Variants in ITPKC observed in about 807,000 individuals in gnomAD.
ITPKC encodes the protein IP3 3-kinase C.
Under a neutral mutation model 67.1 loss-of-function variants are expected in ITPKC, and 33 were observed. The observed-to-expected ratio is 0.49, with a 90% CI of 0.37 to 0.66. ITPKC has a LOEUF of 0.66. ITPKC is among the 30% of genes least tolerant of loss of function. The probability of loss-of-function intolerance (pLI) is 0.00; values close to 1 mark genes in which losing one functional copy is unlikely to be tolerated. For synonymous variants in ITPKC, 341 were observed against 359.8 expected (o/e 0.95, Z 0.59); for missense variants, 820 against 892.1 (o/e 0.92, Z 1.03).
At position 40,721,519 on chromosome 19, in the gene ITPKC, C is replaced by T. The variant is rs373776271; in HGVS notation, c.1155+3229C>T. Reference sequence around the variant, plus strand: ...CCAAGTAGCTGGGACTACAAGCGCACGCCACCACGCCCGGCTAATTTTTTT... The same window carrying T: ...CCAAGTAGCTGGGACTACAAGCGCATGCCACCACGCCCGGCTAATTTTTTT... On this transcript the variant is annotated intron_variant, in intron 1 of 6. Coordinates refer to ENST00000263370, the MANE Select transcript of ITPKC (RefSeq NM_025194.3). 3.6e-3 allele frequency among the ~76,000 whole-genome samples: 542 copies of T among 151,898 alleles called. 4 individuals are homozygous for T. The highest frequency in any genetic ancestry group is 0.012 in the African/African-American group (517 of 41,444).
chr19:40,717,675 G>A lies in ITPKC; in HGVS notation c.540G>A (p.Gly180=), dbSNP rs1032895156. 1 of 1,614,090 alleles carries A rather than the reference G, an allele frequency of 6.2e-7. No individual in the cohort carries two copies. The highest frequency in any genetic ancestry group is 8.5e-7 in the Non-Finnish European group (1 of 1,180,006). ...HGPWTELETH[G]SQTQPERVKS... is the part of the protein sequence containing the mutation. Reference sequence around the variant, plus strand: ...CCTGGACAGAGCTGGAAACGCATGGGTCACAGACTCAGCCAGAGAGGGTCA... The same window carrying A: ...CCTGGACAGAGCTGGAAACGCATGGATCACAGACTCAGCCAGAGAGGGTCA... The change falls in exon 1 of 7, where the codon GGG becomes GGA. Residue 180 remains glycine (G), a synonymous_variant. Transcript: ENST00000263370.
intron 4 of ITPKC, among the ~76,000 whole-genome samples, chr19:40,734,141 A>C (rs754986967): frequency 7.2e-5 from 11 of 151,902 alleles, no homozygotes; most frequent in Admixed American, 2.6e-4. Context: ...GTACTTTGCT[A>C]TTTTCACTTA....
intron 5 of ITPKC, among the ~76,000 whole-genome samples, chr19:40,737,299 G>A (rs756575500): frequency 1.8e-4 from 28 of 152,322 alleles, no homozygotes; most frequent in African/African-American, 5.5e-4. Context: ...TTGGCCGCAC[G>A]TCTCTCGATA....
At position 40,717,553 on chromosome 19, in the gene ITPKC, A is replaced by G. The variant is rs1401271626; in HGVS notation, c.418A>G (p.Thr140Ala). The G allele has an allele frequency of 6.2e-7, 1 of 1,614,054 alleles. No homozygotes were observed. The highest frequency in any genetic ancestry group is 1.3e-5 in the African/African-American group (1 of 74,998). The change falls in exon 1 of 7, where the codon ACC (threonine) becomes GCC (alanine). Residue 140 changes from threonine to alanine, a missense_variant. Physicochemically the swap from Thr to Ala is moderately conservative, Grantham distance 58. Coordinates refer to ENST00000263370, the MANE Select transcript of ITPKC (RefSeq NM_025194.3). ...GGAGACGACTTGTCTTTGGACGGAG[A>G]CCGGGACAGATGGCCTTTGGACTGA... is the stretch of plus-strand genomic sequence containing the variant. ...ELETTCLWTE[T>A]GTDGLWTDPH...
In ITPKC at chr19:40,739,485, G is replaced by C; in HGVS notation, c.1977G>C (p.Glu659Asp). ...QTLSHRLPWAEGNREDGYLWG... is the reference protein window; with the variant it reads ...QTLSHRLPWADGNREDGYLWG... Reference sequence around the variant, plus strand: ...TCAGCCACAGGCTGCCCTGGGCTGAGGGCAACCGTGAGGACGGCTACCTCT... The same window carrying C: ...TCAGCCACAGGCTGCCCTGGGCTGACGGCAACCGTGAGGACGGCTACCTCT... Residue 659 changes from glutamate to aspartate, a missense_variant, in exon 7 of 7, where the codon GAG becomes GAC. Coordinates refer to ENST00000263370, the MANE Select transcript of ITPKC (RefSeq NM_025194.3). 2 of 1,613,634 alleles carry C rather than the reference G, an allele frequency of 1.2e-6. No individual in the cohort carries two copies. The highest frequency in any genetic ancestry group is 2.2e-5 in the East Asian group (1 of 44,880).
At chr19:40,736,553 G>C (rs577881791) in intron 4 of ITPKC, among the ~76,000 whole-genome samples, 1 of 152,034 alleles carries the variant, frequency 6.6e-6, no homozygotes, top group African/African-American at 2.4e-5. Context: ...ACCCAGGCTC[G>C]AATGTAGTGG....
rs1338971257 is a variant in ITPKC, at chr19:40,718,298, G to C, written c.1155+8G>C. On this transcript the variant is annotated splice_region_variant and intron_variant, in intron 1 of 6. Coordinates refer to ENST00000263370, the MANE Select transcript of ITPKC (RefSeq NM_025194.3). Reference sequence around the variant, plus strand: ...CCCGAGGACAGGTCTGGGGTGAGTGGGACCCATCCTGCCCTTGAGCCACAT... The same window carrying C: ...CCCGAGGACAGGTCTGGGGTGAGTGCGACCCATCCTGCCCTTGAGCCACAT... 1.3e-6 allele frequency: 2 copies of C among 1,505,000 alleles called. No individual in the cohort carries two copies. The highest frequency in any genetic ancestry group is 1.8e-6 in the Non-Finnish European group (2 of 1,132,330). 93.2% of individuals were successfully genotyped at this position (1,505,000 alleles called of 1,614,324 possible).
chr19:40,733,084 T>A, intron 3 of ITPKC, 76 bp from the exon 4 acceptor site: 1 of 1,285,876 alleles, frequency 7.8e-7, no homozygotes, highest in Non-Finnish European at 1.1e-6. Context: ...TGTGGCTTTA[T>A]GTCTTAATAT....
intron 1 of ITPKC, among the ~76,000 whole-genome samples, chr19:40,718,956 C>T (rs1340609886): frequency 5.3e-5 from 8 of 152,174 alleles, no homozygotes; most frequent in Non-Finnish European, 1.2e-4. Context: ...TGTCCACCGT[C>T]ACCCCCAGCT....
intron 3 of ITPKC, 130 bp from the exon 4 acceptor site, chr19:40,733,030 T>C: frequency 1.4e-6 from 1 of 695,448 alleles, no homozygotes; most frequent in Non-Finnish European, 2.4e-6. Context: ...CTTTGTGGAC[T>C]CTGTTGTATT....
intron 1 of ITPKC, among the ~76,000 whole-genome samples, chr19:40,723,561 T>G (rs2082232671): frequency 6.6e-6 from 1 of 151,668 alleles, no homozygotes; most frequent in East Asian, 1.9e-4. Context: ...CAGTGGCGTG[T>G]TCTTGGCTCA....
At chr19:40,720,414 A>G (rs1179531400) in intron 1 of ITPKC, among the ~76,000 whole-genome samples, 1 of 151,622 alleles carries the variant, frequency 6.6e-6, no homozygotes, top group Non-Finnish European at 1.5e-5. Flanking sequence ...AGGCATAGAG[A>G]GGTGAGAGAT....
intron 3 of ITPKC, among the ~76,000 whole-genome samples, chr19:40,731,011 G>A (rs1408146891): frequency 6.6e-6 from 1 of 151,860 alleles, no homozygotes; most frequent in Non-Finnish European, 1.5e-5. Context: ...TCAGGCCTTC[G>A]AAACTTCTGA....
At chr19:40,719,067 G>A (rs1219076347) in intron 1 of ITPKC, among the ~76,000 whole-genome samples, 1 of 152,134 alleles carries the variant, frequency 6.6e-6, no homozygotes, top group African/African-American at 2.4e-5. Flanking sequence ...AGCCTCACGT[G>A]GGGCTGGGAG....
intron 3 of ITPKC, among the ~76,000 whole-genome samples, chr19:40,732,466 G>T (rs1228318483): frequency 7.0e-6 from 1 of 143,818 alleles, no homozygotes; most frequent in Admixed American, 7.3e-5. Flanking sequence ...CGAGGCAGAG[G>T]TTGCAGTGAC....
chr19:40,718,224 C>G lies in ITPKC; in HGVS notation c.1089C>G (p.Phe363Leu). ...GCGGCTTCTCCTCTGCCTCTTCTTT[C>G]GACGAGTCTGAGGATGACGTGGTGG... The part of the protein sequence containing the change: ...GSGGFSSASS[F>L]DESEDDVVAG... Residue 363 changes from phenylalanine (F) to leucine (L), a missense_variant, in exon 1 of 7, where the codon TTC becomes TTG. Around this residue, in one of 2 missense-constraint regions of ITPKC, gnomAD observed 481 missense variants for 470.1 expected, o/e 1.02. Coordinates refer to ENST00000263370, the MANE Select transcript of ITPKC (RefSeq NM_025194.3). 6.5e-7 allele frequency: 1 copy of G among 1,544,002 alleles called. No homozygotes were observed.
chr19:40,727,119 G>A (rs2082249564), intron 2 of ITPKC, among the ~76,000 whole-genome samples: 2 of 152,140 alleles, frequency 1.3e-5, no homozygotes, highest in South Asian at 4.1e-4. Flanking sequence ...CGGATCACGA[G>A]GTCAGGAGAT....
At chr19:40,720,819 C>T (rs997629228) in intron 1 of ITPKC, among the ~76,000 whole-genome samples, 4 of 152,272 alleles carry the variant, frequency 2.6e-5, no homozygotes, top group South Asian at 2.1e-4. Flanking sequence ...CCAGCATACC[C>T]GTGCTTCCTT....
intron 1 of ITPKC, among the ~76,000 whole-genome samples, chr19:40,721,785 A>T (rs2082223963): frequency 6.6e-6 from 1 of 152,104 alleles, no homozygotes; most frequent in Admixed American, 6.5e-5. Context: ...GGATTGCCTG[A>T]GCCCAGAAAT....
Sources: gnomAD v4.1 joint callset for allele counts (sites outside exome capture counted in the v4.1 genomes callset) on GRCh38, gnomAD v4.1.1 for gene constraint, gnomAD v4.1.1 regional missense constraint, MANE v1.5 for transcripts, NCBI Gene and HGNC (gene_info 2026-07-23, HGNC 2026-07-21) for gene names.